The following MORC3 variants were observed in gnomAD, a reference collection of about 807,000 sequenced individuals.
MORC3 encodes the protein MORC family CW-type zinc finger 3.
In MORC3, 31 loss-of-function variants were observed where a neutral mutation model predicts 109.1. The ratio of observed to expected loss-of-function variants is 0.28; its 90% confidence interval spans 0.21 to 0.38. MORC3 has a LOEUF of 0.38. Among genes scored for constraint, MORC3 ranks in the 10% least tolerant of loss-of-function variants. MORC3 has a pLI of 1.00. For missense variants in MORC3, 867 were observed against 1,135.8 expected, an observed-to-expected ratio of 0.76 and a Z score of 3.40; for synonymous variants, 395 against 380.7, an observed-to-expected ratio of 1.04 and a Z score of -0.44.
At chr21:36,364,675 T>C (rs1367692636) in intron 14 of MORC3, among the ~76,000 whole-genome samples, 1 of 151,696 alleles carries the variant, frequency 6.6e-6, no homozygotes, top group African/African-American at 2.4e-5. Context: ...TTGTATTCAT[T>C]GTAGAGTTTG....
At chr21:36,321,846 C>T (rs11909757) in intron 1 of MORC3, among the ~76,000 whole-genome samples, 8,729 of 152,212 alleles carry the variant, frequency 0.057, 800 homozygotes, top group African/African-American at 0.2. Context: ...CCTTCCCGCC[C>T]CCAGGCCCTT....
chr21:36,326,885 G>A (rs62229373), intron 1 of MORC3, among the ~76,000 whole-genome samples: 15,069 of 150,582 alleles, frequency 0.1, 944 homozygotes, highest in Non-Finnish European at 0.13. Flanking sequence ...GTGCGATCTC[G>A]GCTCACTGCA....
chr21:36,344,726 C>A lies in MORC3; in HGVS notation c.885+19C>A. On this transcript the variant is annotated intron_variant, in intron 7 of 16. Transcript: ENST00000400485. ...ATTTTTAGTATCCTTTTTCTGATTCCTTATAGAGATATGTTAGTCAGGTGT... is the reference window on the plus strand; with the variant it reads ...ATTTTTAGTATCCTTTTTCTGATTCATTATAGAGATATGTTAGTCAGGTGT... 6.2e-7 allele frequency: 1 copy of A among 1,612,040 alleles called. No homozygotes were observed. The highest frequency in any genetic ancestry group is 8.5e-7 in the Non-Finnish European group (1 of 1,178,946).
intron 9 of MORC3, among the ~76,000 whole-genome samples, chr21:36,352,761 C>T (rs1472912314): frequency 6.6e-6 from 1 of 152,052 alleles, no homozygotes; most frequent in African/African-American, 2.4e-5. Context: ...CGTATAACTC[C>T]TCAGAACCTT....
chr21:36,329,910 T>G (rs1026606151), intron 1 of MORC3, among the ~76,000 whole-genome samples: 1 of 152,090 alleles, frequency 6.6e-6, no homozygotes. Context: ...TTGCCCAGAT[T>G]GGAGTGCAAT....
rs868014112 is a variant in MORC3 at position 36,333,790 on chromosome 21, T to G, written c.112+72T>G. 3.2e-5 allele frequency: 27 copies of G among 845,850 alleles called. No homozygotes were observed. The Middle Eastern group carries it at 8.9e-4, about 28-fold the overall frequency. 52.4% of individuals were successfully genotyped at this position (845,850 alleles called of 1,614,324 possible). A position where few individuals can be genotyped will look rare whatever the true frequency, so the allele number is the denominator to read the frequency against. On this transcript the variant is annotated intron_variant, in intron 2 of 16. Transcript: ENST00000400485. The stretch of plus-strand genomic sequence containing the variant: ...GTGTTTTTTTTTTTGTTTTGTTTTG[T>G]TTTTTTTTTTTAAACAGAGTCTCTC...
At chr21:36,322,304 C>T (rs2146281209) in intron 1 of MORC3, among the ~76,000 whole-genome samples, 1 of 146,030 alleles carries the variant, frequency 6.8e-6, no homozygotes, top group Middle Eastern at 3.5e-3. Context: ...AATTAATGAG[C>T]TTATGTATTT....
At chr21:36,352,025 G>A (rs1304290905) in intron 9 of MORC3, among the ~76,000 whole-genome samples, 1 of 152,106 alleles carries the variant, frequency 6.6e-6, no homozygotes, top group East Asian at 1.9e-4. Context: ...TAAAATATTG[G>A]TAAATACCAT....
At chr21:36,340,451 C>T (rs1285021115) in intron 5 of MORC3, among the ~76,000 whole-genome samples, 1 of 152,038 alleles carries the variant, frequency 6.6e-6, no homozygotes, top group Non-Finnish European at 1.5e-5. Flanking sequence ...CCGTGGCAAC[C>T]TCTAATCTGT....
intron 9 of MORC3, among the ~76,000 whole-genome samples, chr21:36,353,396 G>A (rs943581995): frequency 1.4e-5 from 2 of 146,758 alleles, no homozygotes; most frequent in Non-Finnish European, 3.0e-5. Flanking sequence ...GCCGGGTGCC[G>A]TGGCTCAGGC....
chr21:36,338,971 A>T (rs771740386), intron 5 of MORC3, 50 bp downstream of exon 5: 3 of 1,587,990 alleles, frequency 1.9e-6, no homozygotes, highest in South Asian at 1.1e-5. Context: ...GTGCACGTGC[A>T]GGGTGGTGGT....
intron 1 of MORC3, chr21:36,333,423 G>C: frequency 1.8e-6 from 1 of 559,178 alleles, no homozygotes; most frequent in Non-Finnish European, 3.2e-6. Context: ...AGAGGGCAAG[G>C]GTTTTGAACC....
In MORC3 at chr21:36,337,916, G is replaced by T; in HGVS notation, c.430G>T (p.Val144Phe). The T allele has an allele frequency of 6.2e-7, 1 of 1,614,154 alleles. No homozygotes were observed. Among genetic ancestry groups the T allele is most frequent in the Non-Finnish European group, 8.5e-7 (1 of 1,179,998 alleles). ...GGAAGTCATAAAAGCGGAGCATGTT[G>T]TTGTTCCAATAGTGGCATTCAACAA... is the stretch of plus-strand genomic sequence containing the variant. The part of the protein sequence containing the change: ...YLEVIKAEHV[V>F]VPIVAFNKHR... Residue 144 changes from valine to phenylalanine, a missense_variant, in exon 4 of 17, where the codon GTT becomes TTT. Val to Phe is a conservative substitution (Grantham distance 50). Coordinates refer to ENST00000400485, the MANE Select transcript of MORC3 (RefSeq NM_015358.3).
chr21:36,363,989 T>C (rs976912785), intron 13 of MORC3, 104 bp from the exon 14 acceptor site: 2 of 1,255,850 alleles, frequency 1.6e-6, no homozygotes, highest in Non-Finnish European at 2.2e-6. Context: ...GGAATTGTTT[T>C]TGTGTCTTCT....
In MORC3 at chr21:36,334,270, T is replaced by C. The variant is rs190440283; in HGVS notation, c.112+552T>C. ...CAAGAAAAAAAACAGATACCTTGAATGATAACATTAATGATAAAAATTGCA... is the reference window on the plus strand; with the variant it reads ...CAAGAAAAAAAACAGATACCTTGAACGATAACATTAATGATAAAAATTGCA... On this transcript the variant is annotated intron_variant, in intron 2 of 16. Coordinates refer to ENST00000400485, the MANE Select transcript of MORC3 (RefSeq NM_015358.3). Among the ~76,000 whole-genome samples, 320 of 152,232 alleles carry C rather than the reference T, an allele frequency of 2.1e-3. 1 individual carries two copies. The highest frequency in any genetic ancestry group is 7.1e-3 in the African/African-American group (294 of 41,546).
At chr21:36,324,938 AC>A (rs1184274787) in intron 1 of MORC3, among the ~76,000 whole-genome samples, 1 of 150,292 alleles carries the variant, frequency 6.7e-6, no homozygotes, top group East Asian at 2.0e-4. Context: ...TGAACTCCTG[AC>A]CTCAACTGAT....
chr21:36,364,033 G>A (rs2085749809), intron 13 of MORC3, 60 bp from the exon 14 acceptor site: 5 of 1,527,912 alleles, frequency 3.3e-6, no homozygotes, highest in African/African-American at 1.4e-5. Context: ...TATATCTTGT[G>A]TTTTGGGCAT....
intron 14 of MORC3, among the ~76,000 whole-genome samples, chr21:36,364,632 G>A (rs62229402): frequency 5.0e-4 from 75 of 150,878 alleles, no homozygotes; most frequent in Admixed American, 5.3e-4. Flanking sequence ...GGCAACAAGA[G>A]CAAAACTCCG....
intron 1 of MORC3, among the ~76,000 whole-genome samples, chr21:36,330,008 A>G (rs2085296746): frequency 6.6e-6 from 1 of 152,090 alleles, no homozygotes; most frequent in Non-Finnish European, 1.5e-5. Flanking sequence ...GATTACAGGC[A>G]TGAGCCACCA....
Sources: gnomAD v4.1 joint callset for allele counts (sites outside exome capture counted in the v4.1 genomes callset) on GRCh38, gnomAD v4.1.1 for gene constraint, MANE v1.5 for transcripts, NCBI Gene and HGNC (gene_info 2026-07-23, HGNC 2026-07-21) for gene names.